The following EYS variants were observed in gnomAD, a reference collection of about 807,000 sequenced individuals.
EYS encodes EGF-like photoreceptor maintenance factor.
A neutral mutation model predicts 282.1 loss-of-function variants in EYS; 250 were observed. That is an observed-to-expected ratio of 0.89 (90% CI 0.80 to 0.98). EYS has a LOEUF of 0.98. EYS is among the 50% of genes least tolerant of loss of function. The probability of loss-of-function intolerance (pLI) is 0.00; values close to 1 mark genes in which losing one functional copy is unlikely to be tolerated. For synonymous variants in EYS, 1,355 were observed against 1,282.9 expected (o/e 1.06, Z -1.20); for missense variants, 4,016 against 3,709.0 (o/e 1.08, Z -2.15).
rs553856000 is a variant in EYS, at chr6:65,490,809, T to C, written c.749-102A>G. On this transcript the variant is annotated intron_variant, in intron 4 of 42. Transcript: ENST00000503581. The stretch of plus-strand genomic sequence containing the variant: ...AATGAAAATATCAAATTCTGACTAA[T>C]GTAATTTCAGTTATGAAACCATGTT... The C allele has an allele frequency of 3.0e-3, 2,126 of 712,388 alleles. 8 individuals are homozygous for C. The highest frequency in any genetic ancestry group is 4.6e-3 in the Non-Finnish European group (1,827 of 393,096). The allele number at this position is 712,388 out of a possible 1,614,324, so 44.1% of individuals were successfully genotyped here.
intron 2 of EYS, among the ~76,000 whole-genome samples, chr6:65,557,185 G>T (rs760373398): frequency 4.6e-5 from 7 of 152,150 alleles, no homozygotes; most frequent in African/African-American, 7.2e-5. Flanking sequence ...CTCTGCTTGA[G>T]ATTTGCTGGC....
At chr6:64,402,489 C>CATCA (rs1773565526) in intron 28 of EYS, among the ~76,000 whole-genome samples, 1 of 152,058 alleles carries the variant, frequency 6.6e-6, no homozygotes, top group Non-Finnish European at 1.5e-5. Context: ...AGGTAGTGAC[C>CATCA]TTTTCATTTG....
At chr6:64,106,227 T>C (rs192127566) in intron 31 of EYS, among the ~76,000 whole-genome samples, 1 of 152,176 alleles carries the variant, frequency 6.6e-6, no homozygotes, top group East Asian at 1.9e-4. Flanking sequence ...GAACTTTTTT[T>C]AAAAAAACTT....
At chr6:65,293,396 T>C (rs1768580147) in intron 12 of EYS, among the ~76,000 whole-genome samples, 1 of 151,630 alleles carries the variant, frequency 6.6e-6, no homozygotes, top group Non-Finnish European at 1.5e-5. Context: ...ATTTGGAGAG[T>C]TTCAGAAAAT....
intron 26 of EYS, among the ~76,000 whole-genome samples, chr6:64,563,685 G>A (rs1765474558): frequency 6.6e-6 from 1 of 151,758 alleles, no homozygotes; most frequent in African/African-American, 2.4e-5. Context: ...TACCATACTT[G>A]GGAATAAAAA....
At chr6:65,522,196 G>A (rs1170361143) in intron 2 of EYS, among the ~76,000 whole-genome samples, 1 of 152,046 alleles carries the variant, frequency 6.6e-6, no homozygotes, top group Admixed American at 6.6e-5. Flanking sequence ...AAGGTATATA[G>A]AGTAATTTTT....
intron 2 of EYS, among the ~76,000 whole-genome samples, chr6:65,527,917 G>T (rs1767629830): frequency 6.6e-6 from 1 of 152,140 alleles, no homozygotes; most frequent in Admixed American, 6.5e-5. Flanking sequence ...TCATTTTATG[G>T]CAAAGGAGTT....
chr6:64,546,568 A>G (rs559296902), intron 26 of EYS, among the ~76,000 whole-genome samples: 7 of 152,340 alleles, frequency 4.6e-5, no homozygotes, highest in African/African-American at 1.4e-4. Context: ...AGAAACCACC[A>G]TCAGAATGAA....
intron 26 of EYS, among the ~76,000 whole-genome samples, chr6:64,547,811 G>C (rs1764929643): frequency 6.6e-6 from 1 of 152,210 alleles, no homozygotes; most frequent in Non-Finnish European, 1.5e-5. Flanking sequence ...CTGCGCAGGA[G>C]CCCATGGCAG....
chr6:65,215,070 C>T (rs776471767), intron 12 of EYS, among the ~76,000 whole-genome samples: 8 of 152,100 alleles, frequency 5.3e-5, no homozygotes, highest in Admixed American at 1.3e-4. Flanking sequence ...TTGTTTTCAT[C>T]CCTGCTAACA....
At chr6:64,216,509 T>C (rs957067501) in intron 31 of EYS, among the ~76,000 whole-genome samples, 1 of 152,166 alleles carries the variant, frequency 6.6e-6, no homozygotes, top group African/African-American at 2.4e-5. Context: ...GGGGGATATA[T>C]TGGTGTGGTG....
intron 40 of EYS, among the ~76,000 whole-genome samples, chr6:63,766,633 C>T (rs1446905551): frequency 3.3e-5 from 5 of 151,952 alleles, no homozygotes; most frequent in African/African-American, 1.2e-4. Context: ...TACCATGTGC[C>T]AGGCAGTCTT....
chr6:63,778,129 C>T lies in EYS; in HGVS notation c.7775G>A (p.Gly2592Glu), dbSNP rs1471859071. The T allele has an allele frequency of 1.3e-6, 2 of 1,551,820 alleles. No individual in the cohort carries two copies. The highest frequency in any genetic ancestry group is 2.0e-5 in the Admixed American group (1 of 51,002). ...VRTEKDGHFR[G>E]LGNPEGHPNA... is the part of the protein sequence containing the mutation. ...TGGGTGGCCCTCAGGATTTCCCAGT[C>T]CTCTGAAATGGCCATCCTTCTCAGT... Residue 2592 changes from glycine (G) to glutamate (E), a missense_variant, in exon 40 of 43, where the codon GGA (glycine) becomes GAA (glutamate). Gly to Glu is a moderately conservative substitution (Grantham distance 98). Coordinates refer to ENST00000503581, the MANE Select transcript of EYS (RefSeq NM_001142800.2).
chr6:64,590,387 A>G lies in EYS; in HGVS notation c.5480T>C (p.Leu1827Pro). 3 of 1,551,334 alleles carry G rather than the reference A, an allele frequency of 1.9e-6. No individual in the cohort carries two copies. Among genetic ancestry groups the G allele is most frequent in the Non-Finnish European group, 2.6e-6 (3 of 1,146,736 alleles). ...WPYFTDYMTS[L>P]KKEVKTSSEW... Reference sequence around the variant, plus strand: ...TGAAGAAGTCTTGACCTCTTTTTTAAGAGAGGTCATATAATCTGTAAAATA... The same window carrying G: ...TGAAGAAGTCTTGACCTCTTTTTTAGGAGAGGTCATATAATCTGTAAAATA... Residue 1827 changes from leucine to proline, a missense_variant, in exon 26 of 43, where the codon CTT (leucine) becomes CCT (proline). Coordinates refer to ENST00000503581, the MANE Select transcript of EYS (RefSeq NM_001142800.2).
At chr6:63,737,426 C>G (rs1301015143) in intron 41 of EYS, among the ~76,000 whole-genome samples, 1 of 152,082 alleles carries the variant, frequency 6.6e-6, no homozygotes, top group East Asian at 1.9e-4. Context: ...CCTTGCATCC[C>G]AGGGATGAAG....
At chr6:65,421,180 C>A (rs1910316) in intron 5 of EYS, among the ~76,000 whole-genome samples, 4 of 151,976 alleles carry the variant, frequency 2.6e-5, no homozygotes, top group African/African-American at 7.2e-5. Context: ...TCTTCTGATA[C>A]TAGGCTGTTT....
At chr6:64,838,049 A>G (rs1161059272) in intron 19 of EYS, among the ~76,000 whole-genome samples, 1 of 134,556 alleles carries the variant, frequency 7.4e-6, no homozygotes, top group African/African-American at 2.8e-5. Context: ...TATATAACCA[A>G]TTTGTTTTAA....
intron 12 of EYS, among the ~76,000 whole-genome samples, chr6:65,088,634 G>C (rs996179422): frequency 6.6e-6 from 1 of 152,146 alleles, no homozygotes; most frequent in Non-Finnish European, 1.5e-5. Context: ...CCATGAGGTA[G>C]AAAAGAAAAA....
intron 26 of EYS, among the ~76,000 whole-genome samples, chr6:64,497,566 G>C (rs1018971680): frequency 9.2e-5 from 14 of 152,012 alleles, no homozygotes; most frequent in Non-Finnish European, 1.8e-4. Context: ...AAAAGTATAG[G>C]GGAAGAGGTA....
Sources: gnomAD v4.1 joint callset for allele counts (sites outside exome capture counted in the v4.1 genomes callset) on GRCh38, gnomAD v4.1.1 for gene constraint, MANE v1.5 for transcripts, NCBI Gene and HGNC (gene_info 2026-07-23, HGNC 2026-07-21) for gene names.